The following CCDC138 variants were observed in gnomAD, a reference collection of about 807,000 sequenced individuals.
CCDC138 encodes coiled-coil domain-containing protein 138.
CCDC138 carries 66 observed loss-of-function variants against 82.3 expected under a neutral mutation model. The ratio of observed to expected loss-of-function variants is 0.80; its 90% confidence interval spans 0.66 to 0.98. The LOEUF is 0.98. CCDC138 is among the 50% of genes least tolerant of loss of function. CCDC138 has a pLI of 0.00. For synonymous variants in CCDC138, 297 were observed against 265.4 expected, an observed-to-expected ratio of 1.12 and a Z score of -1.16; for missense variants, 816 against 758.9, an observed-to-expected ratio of 1.08 and a Z score of -0.88.
chr2:108,860,935 CTTTTTT>C lies in CCDC138; in HGVS notation c.1693+3983_1693+3988del, dbSNP rs70956282. On this transcript the variant is annotated intron_variant, in intron 13 of 14. Transcript: ENST00000295124. ...GGCTGTGAATCCATCTGGTCCAGGA[CTTTTTT>C]TTTTTTTTTTTTTTTTTGGTTGGTA... Among the ~76,000 whole-genome samples the C allele has an allele frequency of 1.3e-3, 48 of 37,930 alleles. 3 individuals carry two copies. The highest frequency in any genetic ancestry group is 3.7e-3 in the East Asian group (4 of 1,090). 24.9% of individuals were successfully genotyped at this position (37,930 alleles called of 152,430 possible).
intron 13 of CCDC138, among the ~76,000 whole-genome samples, chr2:108,862,041 C>T (rs1693707222): frequency 6.8e-6 from 1 of 147,096 alleles, no homozygotes; most frequent in African/African-American, 2.5e-5. Context: ...TATTTTTATT[C>T]CACTATGGCC....
At chr2:108,853,856 ATATATAATATATATAC>A (rs1323983353) in intron 12 of CCDC138, among the ~76,000 whole-genome samples, 2 of 127,768 alleles carry the variant, frequency 1.6e-5, no homozygotes, top group Admixed American at 9.6e-5. Context: ...TATATACTAT[ATATATAATATATATAC>A]TATATAATAT....
rs555524231 is a variant in CCDC138 at position 108,809,289 on chromosome 2, C to T, written c.856-3342C>T. Reference sequence around the variant, plus strand: ...TGTTGTTTTCGCACAGGATCGCTTTCGCTTATTTGGGGTCTTTCATGATTT... The same window carrying T: ...TGTTGTTTTCGCACAGGATCGCTTTTGCTTATTTGGGGTCTTTCATGATTT... On this transcript the variant is annotated intron_variant, in intron 7 of 14. Coordinates refer to ENST00000295124, the MANE Select transcript of CCDC138 (RefSeq NM_144978.3). 8.5e-5 allele frequency among the ~76,000 whole-genome samples: 13 copies of T among 152,138 alleles called. No individual in the cohort carries two copies. The South Asian group carries it at 2.3e-3, about 27-fold the overall frequency.
At chr2:108,828,657 A>G (rs1687045231) in intron 10 of CCDC138, among the ~76,000 whole-genome samples, 1 of 152,196 alleles carries the variant, frequency 6.6e-6, no homozygotes, top group Admixed American at 6.5e-5. Context: ...CAACAAAATG[A>G]GTATGAGCCT....
chr2:108,817,154 G>A (rs1212752569), intron 10 of CCDC138, among the ~76,000 whole-genome samples: 1 of 152,178 alleles, frequency 6.6e-6, no homozygotes, highest in Non-Finnish European at 1.5e-5. Context: ...GGTTATCCAG[G>A]ATTATGTGGG....
intron 9 of CCDC138, 86 bp downstream of exon 9, chr2:108,813,013 G>A: frequency 9.8e-7 from 1 of 1,022,030 alleles, no homozygotes; most frequent in Non-Finnish European, 1.5e-6. Context: ...ACTTTGGGAG[G>A]CTGAGATGGG....
At chr2:108,841,153 A>G (rs1689412586) in intron 11 of CCDC138, among the ~76,000 whole-genome samples, 1 of 152,034 alleles carries the variant, frequency 6.6e-6, no homozygotes, top group Non-Finnish European at 1.5e-5. Context: ...TGAGTTCTTT[A>G]GAAGTTTGTT....
chr2:108,813,050 C>A, intron 9 of CCDC138, 123 bp downstream of exon 9: 1 of 677,950 alleles, frequency 1.5e-6, no homozygotes. Context: ...GAGATCGAGA[C>A]CATCCTGGCC....
chr2:108,872,946 G>C (rs1073894), intron 13 of CCDC138, among the ~76,000 whole-genome samples: 110,822 of 152,120 alleles, frequency 0.73, 43,101 homozygotes, highest in East Asian at 0.95. Context: ...AAATGTGAGA[G>C]TAGTCTTTTT....
chr2:108,817,236 C>T (rs1421198696), intron 10 of CCDC138, among the ~76,000 whole-genome samples: 1 of 152,004 alleles, frequency 6.6e-6, no homozygotes, highest in Non-Finnish European at 1.5e-5. Context: ...TCAACCCCCT[C>T]TTGCTGGCTT....
chr2:108,849,274 G>A (rs545869253), intron 12 of CCDC138, among the ~76,000 whole-genome samples: 1 of 152,278 alleles, frequency 6.6e-6, no homozygotes, highest in Admixed American at 6.5e-5. Flanking sequence ...TCTATGAAGA[G>A]GGGAGACAAA....
chr2:108,804,795 G>A (rs1208064891), intron 6 of CCDC138, 94 bp from the exon 7 acceptor site: 3 of 1,184,650 alleles, frequency 2.5e-6, no homozygotes, highest in Admixed American at 6.1e-5. Flanking sequence ...TGTGATTGAA[G>A]GAGTTCTTAC....
At chr2:108,827,907 C>G (rs940544468) in intron 10 of CCDC138, among the ~76,000 whole-genome samples, 2 of 151,818 alleles carry the variant, frequency 1.3e-5, no homozygotes, top group East Asian at 1.9e-4. Flanking sequence ...AGATTCCATT[C>G]CCATTCCCAT....
chr2:108,852,796 T>C (rs1010759825), intron 12 of CCDC138, among the ~76,000 whole-genome samples: 5 of 152,098 alleles, frequency 3.3e-5, no homozygotes, highest in African/African-American at 4.8e-5. Flanking sequence ...TAATGGGTAC[T>C]AGTCTTAATA....
intron 4 of CCDC138, 84 bp from the exon 5 acceptor site, chr2:108,794,456 G>T: frequency 8.4e-7 from 1 of 1,189,306 alleles, no homozygotes; most frequent in South Asian, 1.7e-5. Flanking sequence ...TGTACTTAAA[G>T]CATCTCTTCC....
At chr2:108,834,214 ATT>A (rs111563636) in intron 10 of CCDC138, among the ~76,000 whole-genome samples, 3 of 139,630 alleles carry the variant, frequency 2.1e-5, no homozygotes, top group Non-Finnish European at 3.1e-5. Flanking sequence ...CATCTTTGAA[ATT>A]TTTTTTTTTT....
chr2:108,796,158 C>T (rs965315419), intron 5 of CCDC138, among the ~76,000 whole-genome samples: 1 of 152,150 alleles, frequency 6.6e-6, no homozygotes, highest in African/African-American at 2.4e-5. Flanking sequence ...ATGCCATTCT[C>T]CTGCCTCAGC....
At position 108,876,313 on chromosome 2, in the gene CCDC138, C is replaced by G. The variant is rs1696018659; in HGVS notation, c.*60C>G. On this transcript the variant is annotated 3_prime_UTR_variant, in exon 15 of 15. Transcript: ENST00000295124. ...TTATTTATAAACATGTAGAAATTACCAAAGTAACTACAATTCTACCAAGTA... is the reference window on the plus strand; with the variant it reads ...TTATTTATAAACATGTAGAAATTACGAAAGTAACTACAATTCTACCAAGTA... 1.1e-6 allele frequency: 1 copy of G among 914,724 alleles called. No individual in the cohort carries two copies. 56.7% of individuals were successfully genotyped at this position (914,724 alleles called of 1,614,324 possible).
chr2:108,861,517 G>A (rs1693609521), intron 13 of CCDC138, among the ~76,000 whole-genome samples: 1 of 134,442 alleles, frequency 7.4e-6, no homozygotes, highest in Non-Finnish European at 1.5e-5. Flanking sequence ...GTCTCGCTCT[G>A]TCACCCAGGC....
Sources: allele counts gnomAD v4.1 joint callset (sites outside exome capture counted in the v4.1 genomes callset), GRCh38; gene constraint gnomAD v4.1.1; transcripts MANE v1.5; gene names NCBI Gene and HGNC (gene_info 2026-07-23, HGNC 2026-07-21).